The following LRRC7 variants were observed in gnomAD, a reference collection of about 807,000 sequenced individuals.
LRRC7 encodes leucine-rich repeat-containing protein 7.
LRRC7 carries 23 observed loss-of-function variants against 175.7 expected under a neutral mutation model. The ratio of observed to expected loss-of-function variants is 0.13; its 90% CI spans 0.09 to 0.19. LRRC7 has a LOEUF of 0.19. Ranked by LOEUF, LRRC7 falls within the 10% of genes least tolerant of loss-of-function variation. The pLI is 1.00. For missense variants in LRRC7, 1,354 were observed against 1,904.7 expected, an observed-to-expected ratio of 0.71 and a Z score of 5.38; for synonymous variants, 685 against 680.9, an observed-to-expected ratio of 1.01 and a Z score of -0.09.
Position 69,744,971 on chromosome 1 carries a change from T to C in LRRC7, c.101-15220T>C, listed in dbSNP as rs571247409. Among the ~76,000 whole-genome samples the C allele has an allele frequency of 2.6e-5, 4 of 151,996 alleles. No homozygotes were observed. The East Asian group carries it at 7.7e-4, about 29-fold the overall frequency. On this transcript the variant is annotated intron_variant, in intron 2 of 26. Transcript: ENST00000651989. ...ATTTACATGGTTCTCTTATAATGGATCCACCTGCTCAAAAACCATGGCCAG... is the reference window on the plus strand; with the variant it reads ...ATTTACATGGTTCTCTTATAATGGACCCACCTGCTCAAAAACCATGGCCAG...
At chr1:69,861,155 T>C (rs903187097) in intron 7 of LRRC7, among the ~76,000 whole-genome samples, 2 of 152,136 alleles carry the variant, frequency 1.3e-5, no homozygotes, top group African/African-American at 4.8e-5. Context: ...ATTTTAATTT[T>C]ATGTATATAC....
chr1:69,991,996 C>T (rs1654487411), intron 10 of LRRC7, among the ~76,000 whole-genome samples: 1 of 152,046 alleles, frequency 6.6e-6, no homozygotes, highest in Middle Eastern at 3.2e-3. Context: ...ATTTATCTTA[C>T]TCACTTAAAG....
intron 1 of LRRC7, among the ~76,000 whole-genome samples, chr1:69,647,031 A>G (rs1168609446): frequency 6.6e-6 from 1 of 152,192 alleles, no homozygotes; most frequent in African/African-American, 2.4e-5. Flanking sequence ...AAAATGTCAT[A>G]GTAGGAAACA....
At chr1:69,571,733 A>G (rs1190781207) in intron 1 of LRRC7, among the ~76,000 whole-genome samples, 2 of 152,142 alleles carry the variant, frequency 1.3e-5, no homozygotes, top group East Asian at 1.9e-4. Flanking sequence ...TGTGGCCCCA[A>G]TATAAGAAGG....
chr1:69,685,189 A>G (rs1054606912), intron 2 of LRRC7, among the ~76,000 whole-genome samples: 3 of 152,228 alleles, frequency 2.0e-5, no homozygotes, highest in Non-Finnish European at 4.4e-5. Context: ...ACTAACTGCC[A>G]TTGGAACTAA....
chr1:70,142,644 TG>T lies in LRRC7; in HGVS notation c.*20758del, dbSNP rs912259361. The stretch of plus-strand genomic sequence containing the variant: ...TTTTAAAGACCACCACAAAAGACCT[TG>T]AAAAAAGTGAAACTACTGCAAGATT... On this transcript the variant is annotated 3_prime_UTR_variant, in exon 27 of 27. Transcript: ENST00000651989. 8 of 152,142 alleles carry T rather than the reference TG, an allele frequency of 5.3e-5. No homozygotes were observed. The highest frequency in any genetic ancestry group is 1.9e-4 in the African/African-American group (8 of 41,546). The allele number at this position is 152,142 out of a possible 1,614,324, so 9.4% of individuals were successfully genotyped here.
intron 2 of LRRC7, among the ~76,000 whole-genome samples, chr1:69,724,993 T>A (rs1041899580): frequency 6.6e-6 from 1 of 151,998 alleles, no homozygotes; most frequent in Non-Finnish European, 1.5e-5. Context: ...TCCCAAGCAA[T>A]CACAAAACCA....
At chr1:69,658,729 C>T (rs187255561) in intron 1 of LRRC7, among the ~76,000 whole-genome samples, 2 of 151,998 alleles carry the variant, frequency 1.3e-5, no homozygotes, top group Admixed American at 1.3e-4. Context: ...TCAAAGTCAG[C>T]AGTAACAAGA....
chr1:69,875,258 A>G (rs1685937931), intron 7 of LRRC7, among the ~76,000 whole-genome samples: 1 of 152,078 alleles, frequency 6.6e-6, no homozygotes, highest in Non-Finnish European at 1.5e-5. Context: ...AATCTTATAC[A>G]GCAGCAATAA....
intron 2 of LRRC7, among the ~76,000 whole-genome samples, chr1:69,684,101 C>G (rs1660823054): frequency 6.6e-6 from 1 of 152,080 alleles, no homozygotes; most frequent in South Asian, 2.1e-4. Context: ...CAAATGTTTT[C>G]TGATGTACTG....
In LRRC7 at chr1:69,837,038, C is replaced by T. The variant is rs572496353; in HGVS notation, c.591-1189C>T. ...GTTCTAAAGTAGCTTCATCTGAGTA[C>T]ATTTTAATGTTCTATATGGACAGGA... On this transcript the variant is annotated intron_variant, in intron 6 of 26. Coordinates refer to ENST00000651989, the MANE Select transcript of LRRC7 (RefSeq NM_001370785.2). 3.5e-4 allele frequency among the ~76,000 whole-genome samples: 53 copies of T among 151,980 alleles called. No homozygotes were observed. In the South Asian group the frequency reaches 0.01, roughly 30 times the overall value.
At chr1:69,761,046 T>C (rs1349685679) in intron 3 of LRRC7, among the ~76,000 whole-genome samples, 1 of 151,892 alleles carries the variant, frequency 6.6e-6, no homozygotes, top group African/African-American at 2.4e-5. Context: ...AAACCAGGTC[T>C]CCTGTGACCT....
chr1:69,577,131 G>A (rs1406876788), intron 1 of LRRC7, among the ~76,000 whole-genome samples: 5 of 152,140 alleles, frequency 3.3e-5, no homozygotes, highest in Non-Finnish European at 7.3e-5. Context: ...GAACACAGGG[G>A]ACTGGATACA....
intron 4 of LRRC7, among the ~76,000 whole-genome samples, chr1:69,820,422 G>T (rs190068627): frequency 1.3e-5 from 2 of 152,056 alleles, no homozygotes; most frequent in East Asian, 3.9e-4. Flanking sequence ...AGAACATGCA[G>T]GTTTGTTATG....
intron 1 of LRRC7, among the ~76,000 whole-genome samples, chr1:69,568,923 AAAAGG>A (rs1419592660): frequency 6.6e-6 from 1 of 152,212 alleles, no homozygotes; most frequent in African/African-American, 2.4e-5. Context: ...ACATACTGCG[AAAAGG>A]AAAGGTAAAT....
At chr1:70,017,817 A>G (rs528481076) in intron 14 of LRRC7, among the ~76,000 whole-genome samples, 2 of 152,250 alleles carry the variant, frequency 1.3e-5, no homozygotes, top group South Asian at 2.1e-4. Context: ...AGGCATCAAT[A>G]TATCATCATA....
At chr1:69,632,940 GT>G (rs1273212728) in intron 1 of LRRC7, among the ~76,000 whole-genome samples, 1 of 151,956 alleles carries the variant, frequency 6.6e-6, no homozygotes, top group East Asian at 1.9e-4. Context: ...ATAATTGAAA[GT>G]TTTTTCTTTC....
At chr1:69,957,616 A>G (rs1650631528) in intron 8 of LRRC7, among the ~76,000 whole-genome samples, 1 of 151,890 alleles carries the variant, frequency 6.6e-6, no homozygotes, top group Admixed American at 6.6e-5. Flanking sequence ...TTTGAATTAC[A>G]TTGAAATCAT....
At chr1:69,731,895 T>A (rs1285057972) in intron 2 of LRRC7, among the ~76,000 whole-genome samples, 1 of 152,198 alleles carries the variant, frequency 6.6e-6, no homozygotes, top group Non-Finnish European at 1.5e-5. Flanking sequence ...GTTATCTGGG[T>A]ACTTCCAAGT....
Sources: gnomAD v4.1 joint callset for allele counts (sites outside exome capture counted in the v4.1 genomes callset) on GRCh38, gnomAD v4.1.1 for gene constraint, MANE v1.5 for transcripts, NCBI Gene and HGNC (gene_info 2026-07-23, HGNC 2026-07-21) for gene names.